FBXL5: variants seen among roughly 807,000 people sequenced by gnomAD.
FBXL5 encodes F-box and leucine rich repeat protein 5, also known as F-box/LRR-repeat protein 5.
FBXL5 carries 26 observed loss-of-function variants against 78.3 expected under a neutral mutation model. The ratio of observed to expected loss-of-function variants is 0.33; its 90% CI spans 0.24 to 0.46. The LOEUF (loss-of-function observed/expected upper bound fraction) is 0.46, where lower values mean the gene tolerates loss of function less well. Among genes scored for constraint, FBXL5 ranks in the 20% least tolerant of loss-of-function variants. The pLI is 1.00. For missense variants in FBXL5, 710 were observed against 829.2 expected, an observed-to-expected ratio of 0.86 and a Z score of 1.77; for synonymous variants, 295 against 282.5, an observed-to-expected ratio of 1.04 and a Z score of -0.45.
intron 1 of FBXL5, among the ~76,000 whole-genome samples, chr4:15,652,062 G>A (rs1227686715): frequency 6.6e-6 from 1 of 152,128 alleles, no homozygotes; most frequent in East Asian, 1.9e-4. Context: ...ACGTCTTTCT[G>A]TAGTACAAGC....
At chr4:15,612,562 C>T in intron 9 of FBXL5, 148 bp from the exon 10 acceptor site, 1 of 653,832 alleles carries the variant, frequency 1.5e-6, no homozygotes, top group Non-Finnish European at 2.5e-6. Context: ...TAACTAACCT[C>T]ATCCTTAGGC....
intron 7 of FBXL5, among the ~76,000 whole-genome samples, chr4:15,627,606 C>T (rs1296524925): frequency 1.3e-5 from 2 of 152,240 alleles, no homozygotes; most frequent in South Asian, 2.1e-4. Flanking sequence ...TAAAACTGGG[C>T]TTTATCACTT....
intron 4 of FBXL5, 50 bp downstream of exon 4, chr4:15,638,458 G>A (rs1353688329): frequency 2.9e-6 from 4 of 1,361,464 alleles, no homozygotes; most frequent in Admixed American, 2.5e-5. Flanking sequence ...TCAGTAAGAT[G>A]TCAATGACCT....
intron 1 of FBXL5, among the ~76,000 whole-genome samples, chr4:15,665,123 T>C (rs1010687413): frequency 6.6e-6 from 1 of 152,156 alleles, no homozygotes; most frequent in Non-Finnish European, 1.5e-5. Context: ...GTCTCTCCCA[T>C]TCTTCCTCGA....
intron 1 of FBXL5, among the ~76,000 whole-genome samples, chr4:15,649,318 G>A (rs1715678688): frequency 1.3e-5 from 2 of 152,146 alleles, no homozygotes; most frequent in Middle Eastern, 3.4e-3. Context: ...AGTGGTTCAC[G>A]CCTGTAATCC....
At chr4:15,646,854 A>G (rs373003526) in intron 1 of FBXL5, among the ~76,000 whole-genome samples, 2 of 151,918 alleles carry the variant, frequency 1.3e-5, no homozygotes, top group African/African-American at 2.4e-5. Context: ...GCTTCTAGAT[A>G]TTATTTTTTT....
chr4:15,621,918 T>G (rs181603707), intron 9 of FBXL5, among the ~76,000 whole-genome samples: 2 of 152,270 alleles, frequency 1.3e-5, no homozygotes, highest in African/African-American at 4.8e-5. Flanking sequence ...AACCTCTACC[T>G]CCAGGGCTCA....
chr4:15,641,241 T>G (rs1346529677), intron 2 of FBXL5, among the ~76,000 whole-genome samples: 4 of 152,182 alleles, frequency 2.6e-5, no homozygotes, highest in Non-Finnish European at 5.9e-5. Context: ...AGAATCCCTT[T>G]ATGGTCATCT....
At chr4:15,647,811 C>G (rs1715526725) in intron 1 of FBXL5, among the ~76,000 whole-genome samples, 1 of 152,202 alleles carries the variant, frequency 6.6e-6, no homozygotes, top group South Asian at 2.1e-4. Flanking sequence ...TCAGTTTCTT[C>G]ATCTGTAAAA....
At chr4:15,641,393 T>C (rs2148653356) in intron 2 of FBXL5, 3 of 349,056 alleles carry the variant, frequency 8.6e-6, no homozygotes, top group South Asian at 6.9e-5. Flanking sequence ...CTCTTCTTCC[T>C]CCTCAGCCTA....
rs1192834182 is a variant in FBXL5, at chr4:15,655,328, G to A, written c.-41C>T. The stretch of plus-strand genomic sequence containing the variant: ...CTCCGCCTCAGCAGCCGCGGCCGCC[G>A]CCTCTCCATAGACACCCTCGCCGCG... On this transcript the variant is annotated 5_prime_UTR_variant, in exon 1 of 11. Transcript: ENST00000341285. 23 of 1,348,628 alleles carry A rather than the reference G, an allele frequency of 1.7e-5. No individual in the cohort carries two copies. The highest frequency in any genetic ancestry group is 3.0e-5 in the African/African-American group (2 of 65,782). The allele number at this position is 1,348,628 out of a possible 1,614,324, so 83.5% of individuals were successfully genotyped here. A position where few individuals can be genotyped will look rare whatever the true frequency, so the allele number is the denominator to read the frequency against.
chr4:15,643,588 G>T (rs1264667101), intron 2 of FBXL5, among the ~76,000 whole-genome samples: 2 of 152,012 alleles, frequency 1.3e-5, no homozygotes, highest in Non-Finnish European at 2.9e-5. Flanking sequence ...TATATTTTTA[G>T]TAAAGACAGG....
intron 1 of FBXL5, among the ~76,000 whole-genome samples, chr4:15,676,682 A>G (rs1169444361): frequency 2.7e-5 from 4 of 150,184 alleles, no homozygotes; most frequent in African/African-American, 4.9e-5. Context: ...GTATATGTGA[A>G]TGAGTATTAC....
intron 1 of FBXL5, among the ~76,000 whole-genome samples, chr4:15,678,895 T>C (rs1373063292): frequency 2.0e-5 from 3 of 152,294 alleles, no homozygotes; most frequent in Middle Eastern, 3.4e-3. Context: ...TATTTGCAGA[T>C]CATCATAGCT....
chr4:15,664,261 TG>T (rs1577509880), upstream of FBXL5, among the ~76,000 whole-genome samples: 1 of 152,178 alleles, frequency 6.6e-6, no homozygotes, highest in Non-Finnish European at 1.5e-5. Context: ...AGACCTAGTA[TG>T]GGCCCTACTT....
At chr4:15,674,800 C>A (rs770891308) in intron 1 of FBXL5, among the ~76,000 whole-genome samples, 2 of 152,032 alleles carry the variant, frequency 1.3e-5, no homozygotes, top group Non-Finnish European at 2.9e-5. Context: ...CAGGCGCATG[C>A]CACCATGCCT....
chr4:15,613,616 CATTTT>C (rs965379491), intron 9 of FBXL5, among the ~76,000 whole-genome samples: 4 of 151,796 alleles, frequency 2.6e-5, no homozygotes, highest in African/African-American at 7.3e-5. Context: ...AAGCTTTGTT[CATTTT>C]ATTTTATTTT....
rs1230581857 is a variant in FBXL5 at position 15,640,781 on chromosome 4, T to C, written c.396+7A>G. 4.8e-6 allele frequency: 7 copies of C among 1,446,808 alleles called. No individual in the cohort carries two copies. The highest frequency in any genetic ancestry group is 2.3e-5 in the Admixed American group (1 of 43,318). The allele number at this position is 1,446,808 out of a possible 1,614,324, so 89.6% of individuals were successfully genotyped here. A position where few individuals can be genotyped will look rare whatever the true frequency, so the allele number is the denominator to read the frequency against. Reference sequence around the variant, plus strand: ...AATCTAAATCACGAAAGAAAAATTATGCTTACCTCCTCTTCCTCTTTCATG... The same window carrying C: ...AATCTAAATCACGAAAGAAAAATTACGCTTACCTCCTCTTCCTCTTTCATG... On this transcript the variant is annotated splice_region_variant and intron_variant, in intron 3 of 10. Transcript: ENST00000341285.
At chr4:15,666,948 T>C (rs1344076645) in intron 1 of FBXL5, among the ~76,000 whole-genome samples, 2 of 152,038 alleles carry the variant, frequency 1.3e-5, no homozygotes, top group Non-Finnish European at 2.9e-5. Flanking sequence ...TGTAGACATA[T>C]ATCAAAACAT....
Sources: gnomAD v4.1 joint callset for allele counts (sites outside exome capture counted in the v4.1 genomes callset) on GRCh38, gnomAD v4.1.1 for gene constraint, MANE v1.5 for transcripts, NCBI Gene and HGNC (gene_info 2026-07-23, HGNC 2026-07-21) for gene names.